GFM2: variants seen among roughly 807,000 people sequenced by gnomAD.
GFM2 encodes ribosome-releasing factor 2, mitochondrial.
GFM2 carries 72 observed loss-of-function variants against 95.4 expected under a neutral mutation model. The ratio of observed to expected loss-of-function variants is 0.76; its 90% confidence interval spans 0.62 to 0.92. The LOEUF (loss-of-function observed/expected upper bound fraction) is 0.92. Ranked by LOEUF, GFM2 falls within the 40% of genes least tolerant of loss-of-function variation. The pLI, the probability that GFM2 is intolerant of heterozygous loss-of-function variation, is 0.00. For missense variants in GFM2, 825 were observed against 924.1 expected (o/e 0.89, Z 1.39); for synonymous variants, 276 against 317.5 (o/e 0.87, Z 1.39).
In GFM2 at chr5:74,721,572, C is replaced by T. The variant is rs1395506193; in HGVS notation, c.*83G>A. 1 of 1,369,100 alleles carries T rather than the reference C, an allele frequency of 7.3e-7. No individual in the cohort carries two copies. Among genetic ancestry groups the T allele is most frequent in the South Asian group, 1.2e-5 (1 of 80,868 alleles). The allele number at this position is 1,369,100 out of a possible 1,614,324, so 84.8% of individuals were successfully genotyped here. On this transcript the variant is annotated 3_prime_UTR_variant, in exon 21 of 21. Transcript: ENST00000296805. Reference sequence around the variant, plus strand: ...GTACTGAAACAGTACTTTATTCGTCCAATAAATAAAGCAATAAAAATTGTT... The same window carrying T: ...GTACTGAAACAGTACTTTATTCGTCTAATAAATAAAGCAATAAAAATTGTT...
chr5:74,741,432 A>G, intron 11 of GFM2, 97 bp downstream of exon 11: 1 of 647,614 alleles, frequency 1.5e-6, no homozygotes, highest in Non-Finnish European at 2.7e-6. Flanking sequence ...ATAATATGCA[A>G]AGTTTAAAAA....
intron 1 of GFM2, among the ~76,000 whole-genome samples, chr5:74,766,612 CT>C (rs1744631208): frequency 1.3e-5 from 2 of 152,144 alleles, no homozygotes; most frequent in Non-Finnish European, 2.9e-5. Context: ...AGTCCTGTAC[CT>C]CCAAAAAACC....
Position 74,732,128 on chromosome 5 carries a change from ATTTTTTTT to A in GFM2, c.1587+886_1587+893del, listed in dbSNP as rs533165001. 7.4e-4 allele frequency among the ~76,000 whole-genome samples: 63 copies of A among 85,432 alleles called. No individual in the cohort carries two copies. The East Asian group carries it at 0.015, about 20-fold the overall frequency. The allele number at this position is 85,432 out of a possible 152,430, so 56.0% of individuals were successfully genotyped here. A position where few individuals can be genotyped will look rare whatever the true frequency, so the allele number is the denominator to read the frequency against. On this transcript the variant is annotated intron_variant, in intron 16 of 20. Transcript: ENST00000296805. ...TGCCATCATGCCTGGCTAATTTTTA[ATTTTTTTT>A]TTTTTTTTTTTTTTTTGTAGAGACA...
chr5:74,729,674 A>T (rs925604396), intron 17 of GFM2, among the ~76,000 whole-genome samples: 3 of 143,788 alleles, frequency 2.1e-5, no homozygotes, highest in Non-Finnish European at 3.0e-5. Flanking sequence ...GTTATCCTAA[A>T]CGTCTTTTTT....
intron 4 of GFM2, 89 bp from the exon 5 acceptor site, chr5:74,759,035 A>G (rs1382767350): frequency 1.3e-6 from 1 of 771,974 alleles, no homozygotes. Context: ...TGGTATTTCT[A>G]TAATTTATAA....
At chr5:74,751,565 GAC>G (rs1743715966) in intron 5 of GFM2, 72 bp from the exon 6 acceptor site, 1 of 1,148,540 alleles carries the variant, frequency 8.7e-7, no homozygotes, top group Non-Finnish European at 1.3e-6. Flanking sequence ...ATATCTACCT[GAC>G]ACAGTTTAAC....
At chr5:74,757,861 G>A (rs913582916) in intron 5 of GFM2, among the ~76,000 whole-genome samples, 2 of 151,692 alleles carry the variant, frequency 1.3e-5, no homozygotes, top group Admixed American at 1.3e-4. Context: ...AAATACTTAC[G>A]ATTCCATTTA....
chr5:74,765,994 C>T (rs538454614), intron 1 of GFM2, among the ~76,000 whole-genome samples: 7 of 150,312 alleles, frequency 4.7e-5, no homozygotes, highest in Non-Finnish European at 7.4e-5. Flanking sequence ...ATTGAAACTC[C>T]GTCTCAAAAC....
At chr5:74,756,452 CTGG>C (rs1158094923) in intron 5 of GFM2, among the ~76,000 whole-genome samples, 4 of 152,108 alleles carry the variant, frequency 2.6e-5, no homozygotes, top group Admixed American at 6.5e-5. Context: ...GGCATTTGGG[CTGG>C]TTCCATATTT....
At chr5:74,725,595 C>CTCTATACT in intron 19 of GFM2, 45 bp downstream of exon 19, 1 of 1,305,506 alleles carries the variant, frequency 7.7e-7, no homozygotes, top group Admixed American at 1.7e-5. Flanking sequence ...GTACTATACT[C>CTCTATACT]AGAAGAGTCA....
intron 5 of GFM2, among the ~76,000 whole-genome samples, chr5:74,757,854 T>C (rs1744076289): frequency 6.7e-6 from 1 of 150,200 alleles, no homozygotes; most frequent in Non-Finnish European, 1.5e-5. Flanking sequence ...GAAAGACAAA[T>C]ACTTACGATT....
rs149737091 is a variant in GFM2, at chr5:74,746,175, G to A, written c.609-10C>T. 38 of 1,437,032 alleles carry A rather than the reference G, an allele frequency of 2.6e-5. 1 individual carries two copies. In the East Asian group the frequency reaches 8.9e-4, roughly 34 times the overall value. The allele number at this position is 1,437,032 out of a possible 1,614,324, so 89.0% of individuals were successfully genotyped here. On this transcript the variant is annotated splice_polypyrimidine_tract_variant and intron_variant, in intron 8 of 20. Transcript: ENST00000296805. Reference sequence around the variant, plus strand: ...AACTGCATACTTAAAGCTGTAGAAAGCAAAATAATTATAGTTAAAAACATG... The same window carrying A: ...AACTGCATACTTAAAGCTGTAGAAAACAAAATAATTATAGTTAAAAACATG...
intron 17 of GFM2, among the ~76,000 whole-genome samples, chr5:74,729,894 A>C (rs537045794): frequency 6.6e-6 from 1 of 152,178 alleles, no homozygotes; most frequent in Non-Finnish European, 1.5e-5. Flanking sequence ...TTTATTAAGT[A>C]CTGAAACTGA....
intron 2 of GFM2, among the ~76,000 whole-genome samples, chr5:74,763,473 TTC>T (rs999255505): frequency 6.6e-6 from 1 of 152,246 alleles, no homozygotes; most frequent in Non-Finnish European, 1.5e-5. Context: ...GCTACAGCTG[TTC>T]TTTTACTTTT....
chr5:74,747,634 A>G (rs1236171703), intron 8 of GFM2, 58 bp downstream of exon 8: 15 of 1,014,816 alleles, frequency 1.5e-5, no homozygotes, highest in Non-Finnish European at 2.3e-5. Context: ...GTTATAGTTC[A>G]TTAAAAGCTC....
chr5:74,752,020 G>A (rs551919516), intron 5 of GFM2, among the ~76,000 whole-genome samples: 18 of 152,226 alleles, frequency 1.2e-4, no homozygotes, highest in African/African-American at 4.3e-4. Flanking sequence ...ACCTAGTCTA[G>A]TAGATGATAA....
At chr5:74,753,270 A>G (rs1743808992) in intron 5 of GFM2, among the ~76,000 whole-genome samples, 1 of 152,162 alleles carries the variant, frequency 6.6e-6, no homozygotes, top group Non-Finnish European at 1.5e-5. Context: ...AATACACTGG[A>G]AAGTCTCAGC....
In GFM2 at chr5:74,721,593, T is replaced by G; in HGVS notation, c.*62A>C. The G allele has an allele frequency of 2.0e-6, 3 of 1,518,016 alleles. No homozygotes were observed. Among genetic ancestry groups the G allele is most frequent in the Non-Finnish European group, 2.7e-6 (3 of 1,105,842 alleles). The allele number at this position is 1,518,016 out of a possible 1,614,324, so 94.0% of individuals were successfully genotyped here. A position where few individuals can be genotyped will look rare whatever the true frequency, so the allele number is the denominator to read the frequency against. ...CGTCCAATAAATAAAGCAATAAAAATTGTTCTTACTGAAAATGAAGTAGCT... is the reference window on the plus strand; with the variant it reads ...CGTCCAATAAATAAAGCAATAAAAAGTGTTCTTACTGAAAATGAAGTAGCT... On this transcript the variant is annotated 3_prime_UTR_variant, in exon 21 of 21. Transcript: ENST00000296805.
chr5:74,721,935 T>C, intron 20 of GFM2, 152 bp from the exon 21 acceptor site: 1 of 684,674 alleles, frequency 1.5e-6, no homozygotes, highest in South Asian at 2.0e-5. Context: ...TTTAACTTTT[T>C]TCAGGGTAAG....
Sources: allele counts gnomAD v4.1 joint callset (sites outside exome capture counted in the v4.1 genomes callset), GRCh38; gene constraint gnomAD v4.1.1; transcripts MANE v1.5; gene names NCBI Gene and HGNC (gene_info 2026-07-23, HGNC 2026-07-21).